Variants in CNTLN observed in about 807,000 individuals in gnomAD.
The protein encoded by CNTLN is centlein, centrosomal protein.
In CNTLN, 212 loss-of-function variants were observed where a neutral mutation model predicts 180.0. That is an observed-to-expected ratio of 1.18 (90% CI 1.05 to 1.32). The LOEUF (loss-of-function observed/expected upper bound fraction) is 1.32. Among genes scored for constraint, CNTLN ranks in the 40% most tolerant of loss-of-function variants. The pLI, the probability that CNTLN is intolerant of heterozygous loss-of-function variation, is 0.00. For synonymous variants in CNTLN, 722 were observed against 563.1 expected (o/e 1.28, Z -3.99); for missense variants, 2,095 against 1,610.9 (o/e 1.30, Z -5.14).
At chr9:17,275,742 A>G (rs1049851523) in intron 6 of CNTLN, among the ~76,000 whole-genome samples, 3 of 152,158 alleles carry the variant, frequency 2.0e-5, no homozygotes, top group African/African-American at 7.2e-5. Flanking sequence ...AAGTTATTAT[A>G]AATAAAGCAA....
At chr9:17,291,185 CT>C (rs1357257445) in intron 6 of CNTLN, among the ~76,000 whole-genome samples, 26 of 152,108 alleles carry the variant, frequency 1.7e-4, no homozygotes, top group African/African-American at 6.0e-4. Context: ...GATTTCAGTT[CT>C]TTTGTATTTG....
At chr9:17,149,739 G>A (rs910103656) in intron 2 of CNTLN, among the ~76,000 whole-genome samples, 1 of 151,844 alleles carries the variant, frequency 6.6e-6, no homozygotes, top group Non-Finnish European at 1.5e-5. Flanking sequence ...GGATGGTCTC[G>A]ATCTCCTGAT....
chr9:17,264,099 C>T (rs200208299), intron 5 of CNTLN, among the ~76,000 whole-genome samples: 3 of 144,658 alleles, frequency 2.1e-5, no homozygotes, highest in Non-Finnish European at 4.5e-5. Flanking sequence ...TTTGTTGTTT[C>T]AGACATGAAG....
At chr9:17,448,947 A>G (rs1830613709) in intron 18 of CNTLN, among the ~76,000 whole-genome samples, 2 of 152,210 alleles carry the variant, frequency 1.3e-5, no homozygotes, top group African/African-American at 4.8e-5. Context: ...GACATTGCAC[A>G]GTTTCTCCTT....
At chr9:17,357,816 T>G (rs1822973782) in intron 12 of CNTLN, among the ~76,000 whole-genome samples, 1 of 151,536 alleles carries the variant, frequency 6.6e-6, no homozygotes, top group Non-Finnish European at 1.5e-5. Flanking sequence ...TTTGAACATC[T>G]GAATTGAATG....
intron 18 of CNTLN, among the ~76,000 whole-genome samples, chr9:17,426,288 C>T (rs749390145): frequency 7.9e-5 from 12 of 152,134 alleles, no homozygotes; most frequent in Admixed American, 1.3e-4. Context: ...ACTCCCATCA[C>T]GGGCCCAGAG....
intron 18 of CNTLN, among the ~76,000 whole-genome samples, chr9:17,432,416 A>G (rs1280489870): frequency 6.6e-6 from 1 of 152,212 alleles, no homozygotes; most frequent in Non-Finnish European, 1.5e-5. Context: ...CTTCAGAATT[A>G]GTTAACTGGA....
Position 17,342,376 on chromosome 9 carries a change from A to T in CNTLN, c.1818A>T (p.Glu606Asp). The T allele has an allele frequency of 6.2e-7, 1 of 1,612,408 alleles. No homozygotes were observed. ...CAGATCCCCAACAACTTCGACAAGA[A>T]GATTCTGACGCTGTGTGGAATGAAC... ...KRADPQQLRQ[E>D]DSDAVWNELA... The change falls in exon 12 of 26, where the codon GAA (glutamate) becomes GAT (aspartate). Residue 606 changes from glutamate (E) to aspartate (D), a missense_variant. Physicochemically the swap from Glu to Asp is conservative, Grantham distance 45. Coordinates refer to ENST00000380647, the MANE Select transcript of CNTLN (RefSeq NM_017738.4).
At chr9:17,389,613 G>C (rs1825943810) in intron 14 of CNTLN, among the ~76,000 whole-genome samples, 1 of 151,894 alleles carries the variant, frequency 6.6e-6, no homozygotes. Context: ...GTTTTATCAA[G>C]CACAAGTTAA....
At chr9:17,504,776 A>G (rs1354956674), downstream of CNTLN, among the ~76,000 whole-genome samples, 1 of 152,148 alleles carries the variant, frequency 6.6e-6, no homozygotes, top group Non-Finnish European at 1.5e-5. Context: ...GCCCTTGGAG[A>G]CCAGAAAAGG....
At chr9:17,247,782 T>TTC (rs1554667231) in intron 5 of CNTLN, among the ~76,000 whole-genome samples, 2 of 149,104 alleles carry the variant, frequency 1.3e-5, no homozygotes, top group African/African-American at 5.0e-5. Flanking sequence ...ACTTTTACTT[T>TTC]TTTTTTTTTT....
At chr9:17,254,589 T>G (rs1455726591) in intron 5 of CNTLN, among the ~76,000 whole-genome samples, 1 of 151,604 alleles carries the variant, frequency 6.6e-6, no homozygotes, top group Non-Finnish European at 1.5e-5. Context: ...CTTGGTACCT[T>G]TGTGAAAAGT....
At chr9:17,377,476 G>T (rs1270129489) in intron 13 of CNTLN, among the ~76,000 whole-genome samples, 2 of 152,156 alleles carry the variant, frequency 1.3e-5, no homozygotes, top group African/African-American at 2.4e-5. Flanking sequence ...AGTGGGCAGA[G>T]GTTGCAGTGA....
chr9:17,241,143 C>G (rs995537964), intron 5 of CNTLN, among the ~76,000 whole-genome samples: 1 of 152,194 alleles, frequency 6.6e-6, no homozygotes, highest in Non-Finnish European at 1.5e-5. Flanking sequence ...CAGGCGTGAG[C>G]CACCGCAGCC....
intron 19 of CNTLN, among the ~76,000 whole-genome samples, chr9:17,459,855 A>G (rs1306836717): frequency 3.3e-5 from 5 of 151,686 alleles, no homozygotes; most frequent in African/African-American, 1.2e-4. Context: ...TTATCTGTTT[A>G]AAGGCCTTAT....
chr9:17,214,093 C>G (rs1823545293), intron 2 of CNTLN, among the ~76,000 whole-genome samples: 1 of 152,152 alleles, frequency 6.6e-6, no homozygotes, highest in Admixed American at 6.6e-5. Flanking sequence ...TTGATCCTGT[C>G]ATTATGATTT....
At chr9:17,418,799 C>G (rs1344530299) in intron 18 of CNTLN, among the ~76,000 whole-genome samples, 3 of 151,908 alleles carry the variant, frequency 2.0e-5, no homozygotes, top group African/African-American at 7.2e-5. Context: ...AATATTTGGG[C>G]AGCCTCCATA....
At position 17,301,719 on chromosome 9, in the gene CNTLN, A is replaced by G. The variant is rs1050793641; in HGVS notation, c.1146+3367A>G. 460 of 946,262 alleles carry G rather than the reference A, an allele frequency of 4.9e-4. 4 individuals are homozygous for G. The African/African-American group carries it at 7.5e-3, about 16-fold the overall frequency. 58.6% of individuals were successfully genotyped at this position (946,262 alleles called of 1,614,324 possible). A position where few individuals can be genotyped will look rare whatever the true frequency, so the allele number is the denominator to read the frequency against. ...CAATTTGAAAATATTCTTCTTATTT[A>G]TTTATTCTTTATAAATTTTGTCTAC... On this transcript the variant is annotated intron_variant, in intron 7 of 25. Coordinates refer to ENST00000380647, the MANE Select transcript of CNTLN (RefSeq NM_017738.4).
intron 2 of CNTLN, among the ~76,000 whole-genome samples, chr9:17,220,712 C>G (rs1416500466): frequency 6.6e-6 from 1 of 152,096 alleles, no homozygotes; most frequent in Non-Finnish European, 1.5e-5. Flanking sequence ...TTTTCTCTAC[C>G]TGCATTAGTT....
Sources: gnomAD v4.1 joint callset for allele counts (sites outside exome capture counted in the v4.1 genomes callset) on GRCh38, gnomAD v4.1.1 for gene constraint, MANE v1.5 for transcripts, NCBI Gene and HGNC (gene_info 2026-07-23, HGNC 2026-07-21) for gene names.